TTC34: variants seen among roughly 807,000 people sequenced by gnomAD.
TTC34 encodes tetratricopeptide repeat domain 34.
Under a neutral mutation model 40.7 loss-of-function variants are expected in TTC34, and 44 were observed. The ratio of observed to expected loss-of-function variants is 1.08; its 90% confidence interval spans 0.85 to 1.39. TTC34 has a LOEUF of 1.39. Ranked by LOEUF, TTC34 falls within the 40% of genes most tolerant of loss-of-function variation. The pLI, the probability that TTC34 is intolerant of heterozygous loss-of-function variation, is 0.00. For synonymous variants in TTC34, 422 were observed against 398.6 expected (o/e 1.06, Z -0.70); for missense variants, 884 against 838.0 (o/e 1.05, Z -0.68).
At chr1:2,756,580 C>G (rs1641512536) in intron 6 of TTC34, among the ~76,000 whole-genome samples, 5 of 151,196 alleles carry the variant, frequency 3.3e-5, no homozygotes, top group African/African-American at 1.2e-4. Context: ...TGAAGCAGCA[C>G]CCACACCAAC....
At chr1:2,781,364 AT>A (rs1454241169) in intron 6 of TTC34, among the ~76,000 whole-genome samples, 1 of 152,160 alleles carries the variant, frequency 6.6e-6, no homozygotes, top group South Asian at 2.1e-4. Context: ...AATGCAACTG[AT>A]TTTTGTGTTG....
chr1:2,793,866 C>T (rs1281959483), intron 2 of TTC34, among the ~76,000 whole-genome samples: 1 of 152,106 alleles, frequency 6.6e-6, no homozygotes, highest in Non-Finnish European at 1.5e-5. Context: ...TCTACTGCCA[C>T]CTCTTCCTTC....
In TTC34 at chr1:2,776,250, G is replaced by T. The variant is rs1315052465; in HGVS notation, c.2226+7359C>A. Reference sequence around the variant, plus strand: ...AGCCTGGAATGGTAACCCACATGCAGGTGAGCATCCGACAGCCTGGAACAG... The same window carrying T: ...AGCCTGGAATGGTAACCCACATGCATGTGAGCATCCGACAGCCTGGAACAG... On this transcript the variant is annotated intron_variant, in intron 6 of 8. Transcript: ENST00000401095. 3.9e-5 allele frequency: 4 copies of T among 103,632 alleles called. 1 individual carries two copies. Among genetic ancestry groups the T allele is most frequent in the African/African-American group, 5.8e-5 (1 of 17,108 alleles). 6.4% of individuals were successfully genotyped at this position (103,632 alleles called of 1,614,324 possible).
At chr1:2,769,630 C>A (rs1388881759) in intron 6 of TTC34, among the ~76,000 whole-genome samples, 3 of 129,280 alleles carry the variant, frequency 2.3e-5, no homozygotes, top group Admixed American at 7.7e-5. Flanking sequence ...AGCACCCACA[C>A]CCCCAGGTGA....
At chr1:2,749,744 A>C (rs1641256327) in intron 6 of TTC34, among the ~76,000 whole-genome samples, 1 of 82,242 alleles carries the variant, frequency 1.2e-5, no homozygotes, top group Non-Finnish European at 2.2e-5. Context: ...AGCATCTGAC[A>C]GACTGGAACA....
At chr1:2,642,656 C>A (rs1325993664) in intron 8 of TTC34, among the ~76,000 whole-genome samples, 1 of 152,254 alleles carries the variant, frequency 6.6e-6, no homozygotes, top group Non-Finnish European at 1.5e-5. Flanking sequence ...GGGTTCCCCG[C>A]TGCCTGAGGA....
At chr1:2,776,458 T>C (rs1643172917) in intron 6 of TTC34, 1 of 114,866 alleles carries the variant, frequency 8.7e-6, no homozygotes, top group Admixed American at 8.3e-5. Context: ...CAGGTGAGCA[T>C]CTGGCAGCCT....
chr1:2,653,154 G>A (rs71514386), intron 6 of TTC34, among the ~76,000 whole-genome samples: 1 of 152,154 alleles, frequency 6.6e-6, no homozygotes, highest in East Asian at 1.9e-4. Context: ...ATGGTCTGGA[G>A]CAGCACCCAC....
Position 2,789,609 on chromosome 1 carries a change from G to C in TTC34, c.1522C>G (p.Arg508Gly), listed in dbSNP as rs1009866030. 1.7e-5 allele frequency: 24 copies of C among 1,390,868 alleles called. 1 individual carries two copies. In the South Asian group the frequency reaches 3.5e-4, roughly 20 times the overall value. 86.2% of individuals were successfully genotyped at this position (1,390,868 alleles called of 1,614,324 possible). A position where few individuals can be genotyped will look rare whatever the true frequency, so the allele number is the denominator to read the frequency against. The change falls in exon 3 of 9, where the codon CGG (arginine) becomes GGG (glycine). Residue 508 changes from arginine (R) to glycine (G), a missense_variant. Transcript: ENST00000401095. ...TGCAGCATCCCACGGGCCTCCTCCC[G>C]CAGCACCACCAGCAGCAGCCCCCGC...
At chr1:2,754,779 C>G (rs1298806149) in intron 6 of TTC34, among the ~76,000 whole-genome samples, 2 of 135,956 alleles carry the variant, frequency 1.5e-5, no homozygotes, top group Non-Finnish European at 3.1e-5. Flanking sequence ...GCACCCACAC[C>G]CACAGGTGAG....
intron 6 of TTC34, among the ~76,000 whole-genome samples, chr1:2,692,686 G>T (rs1201549720): frequency 6.9e-4 from 84 of 121,102 alleles, no homozygotes; most frequent in Non-Finnish European, 9.5e-4. Flanking sequence ...GCTTCTGACA[G>T]CCTGGAGCAG....
chr1:2,653,546 A>G (rs1639225310), intron 6 of TTC34, among the ~76,000 whole-genome samples: 1 of 151,322 alleles, frequency 6.6e-6, no homozygotes, highest in Non-Finnish European at 1.5e-5. Flanking sequence ...TGAGTATCTG[A>G]CGGCCAGGAA....
chr1:2,754,777 A>T (rs1641448097), intron 6 of TTC34, among the ~76,000 whole-genome samples: 6 of 151,080 alleles, frequency 4.0e-5, no homozygotes, highest in African/African-American at 1.5e-4. Flanking sequence ...CAGCACCCAC[A>T]CCCACAGGTG....
rs796194169 is a variant in TTC34, at chr1:2,652,492, C to A, written c.2227-6929G>T. On this transcript the variant is annotated intron_variant, in intron 6 of 8. Coordinates refer to ENST00000401095, the Ensembl canonical transcript of TTC34. ...CTGGAGCAGAACCCACACCCCCAGGCGAGCATCTGACGGCCTGCAACAGCA... is the reference window on the plus strand; with the variant it reads ...CTGGAGCAGAACCCACACCCCCAGGAGAGCATCTGACGGCCTGCAACAGCA... Among the ~76,000 whole-genome samples, 6 of 22,636 alleles carry A rather than the reference C, an allele frequency of 2.7e-4. No individual in the cohort carries two copies. In the South Asian group the frequency reaches 3.6e-3, roughly 14 times the overall value. 14.9% of individuals were successfully genotyped at this position (22,636 alleles called of 152,430 possible). A position where few individuals can be genotyped will look rare whatever the true frequency, so the allele number is the denominator to read the frequency against.
intron 6 of TTC34, among the ~76,000 whole-genome samples, chr1:2,684,520 C>A (rs1380507261): frequency 1.3e-5 from 2 of 148,420 alleles, no homozygotes; most frequent in African/African-American, 5.2e-5. Context: ...CCCACACCCC[C>A]AGGTGAGCAT....
At chr1:2,776,414 AG>A (rs1643168447) in intron 6 of TTC34, 1 of 135,784 alleles carries the variant, frequency 7.4e-6, no homozygotes, top group African/African-American at 3.3e-5. Flanking sequence ...TCCCCAGGTA[AG>A]ATTCCAACAG....
intron 6 of TTC34, among the ~76,000 whole-genome samples, chr1:2,682,468 A>C (rs1338230257): frequency 8.5e-4 from 22 of 25,736 alleles, no homozygotes; most frequent in Non-Finnish European, 1.1e-3. Flanking sequence ...AGCACCCACA[A>C]CCACAGGTGA....
intron 8 of TTC34, among the ~76,000 whole-genome samples, chr1:2,643,957 A>G (rs534698037): frequency 2.0e-5 from 3 of 152,308 alleles, no homozygotes; most frequent in South Asian, 4.1e-4. Flanking sequence ...CTGCCGGGCA[A>G]GGTGCCCCTG....
At chr1:2,768,456 C>T (rs1009610384) in intron 6 of TTC34, among the ~76,000 whole-genome samples, 4 of 151,110 alleles carry the variant, frequency 2.6e-5, no homozygotes, top group African/African-American at 7.3e-5. Context: ...CAGAACCCCA[C>T]AACTTCAAAT....
Sources: gnomAD v4.1 joint callset for allele counts (sites outside exome capture counted in the v4.1 genomes callset) on GRCh38, gnomAD v4.1.1 for gene constraint, MANE v1.5 for transcripts, NCBI Gene and HGNC (gene_info 2026-07-23, HGNC 2026-07-21) for gene names.